The following MEIS2 variants were observed in gnomAD, a reference collection of about 807,000 sequenced individuals.
MEIS2 encodes the protein homeobox protein Meis2.
Under a neutral mutation model 58.6 loss-of-function variants are expected in MEIS2, and 9 were observed. That is an observed-to-expected ratio of 0.15 (90% CI 0.09 to 0.27). The LOEUF is 0.27. Ranked by LOEUF, MEIS2 falls within the 10% of genes least tolerant of loss-of-function variation. MEIS2 has a pLI of 1.00. For synonymous variants in MEIS2, 221 were observed against 228.4 expected (o/e 0.97, Z 0.29); for missense variants, 427 against 635.0 (o/e 0.67, Z 3.52).
chr15:37,063,280 C>T (rs892827681), intron 7 of MEIS2, among the ~76,000 whole-genome samples: 1 of 152,190 alleles, frequency 6.6e-6, no homozygotes, highest in Non-Finnish European at 1.5e-5. Context: ...ATCTTCCTGC[C>T]TCAGCCTCCC....
At chr15:37,087,736 T>C (rs1893059052) in intron 6 of MEIS2, among the ~76,000 whole-genome samples, 1 of 152,104 alleles carries the variant, frequency 6.6e-6, no homozygotes, top group African/African-American at 2.4e-5. Context: ...TACACTGGAA[T>C]TGTAACATTT....
intron 7 of MEIS2, among the ~76,000 whole-genome samples, chr15:37,073,703 T>C (rs1170469207): frequency 6.6e-6 from 1 of 151,992 alleles, no homozygotes; most frequent in African/African-American, 2.4e-5. Flanking sequence ...TCACATTTAG[T>C]ACATGGAAAT....
intron 9 of MEIS2, among the ~76,000 whole-genome samples, chr15:36,914,801 C>G (rs1427082351): frequency 6.6e-6 from 1 of 151,828 alleles, no homozygotes; most frequent in Non-Finnish European, 1.5e-5. Flanking sequence ...ACCGCAGCAA[C>G]ACACTCTTTC....
intron 7 of MEIS2, among the ~76,000 whole-genome samples, chr15:37,078,247 G>C (rs1292147770): frequency 1.3e-5 from 2 of 152,048 alleles, no homozygotes; most frequent in Non-Finnish European, 1.5e-5. Context: ...GCCCAAGGAA[G>C]AGCAGAGCCA....
chr15:37,040,393 T>G (rs556373771), intron 7 of MEIS2, among the ~76,000 whole-genome samples: 2 of 152,278 alleles, frequency 1.3e-5, no homozygotes, highest in East Asian at 3.9e-4. Context: ...CCCCACTTTT[T>G]GCCAACCCCC....
At chr15:37,091,841 C>T (rs1053043214) in intron 6 of MEIS2, among the ~76,000 whole-genome samples, 5 of 152,128 alleles carry the variant, frequency 3.3e-5, no homozygotes, top group South Asian at 4.2e-4. Context: ...CTTTTGGCTC[C>T]GAGAACTGTG....
intron 8 of MEIS2, among the ~76,000 whole-genome samples, chr15:37,019,747 G>C (rs1012340141): frequency 2.6e-5 from 4 of 152,168 alleles, no homozygotes; most frequent in Non-Finnish European, 5.9e-5. Context: ...GGTGCTGCCA[G>C]GTTCATTCCA....
At position 36,931,513 on chromosome 15, in the gene MEIS2, T is replaced by C. The variant is rs1476781907; in HGVS notation, c.977+18811A>G. ...TAATCTTAATGGCATACAACAAAAT[T>C]GAAACAACGTTGATGCTTGCTTTTT... On this transcript the variant is annotated intron_variant, in intron 9 of 11. Coordinates refer to ENST00000561208, the MANE Select transcript of MEIS2 (RefSeq NM_170675.5). 2.0e-5 allele frequency among the ~76,000 whole-genome samples: 3 copies of C among 152,320 alleles called. No individual in the cohort carries two copies. The East Asian group carries it at 5.8e-4, about 29-fold the overall frequency.
At chr15:36,969,582 T>C (rs1286676837) in intron 8 of MEIS2, among the ~76,000 whole-genome samples, 1 of 152,228 alleles carries the variant, frequency 6.6e-6, no homozygotes, top group East Asian at 1.9e-4. Flanking sequence ...AAATAAATAA[T>C]ATTTACAGAT....
At chr15:37,028,525 C>A (rs559422583) in intron 8 of MEIS2, among the ~76,000 whole-genome samples, 2 of 152,280 alleles carry the variant, frequency 1.3e-5, no homozygotes, top group South Asian at 4.1e-4. Context: ...GGATCCAACA[C>A]GACATTAAAT....
In MEIS2 at chr15:37,099,485, ACTC is replaced by A; in HGVS notation, c.-22_-20del. 6.2e-7 allele frequency: 1 copy of A among 1,613,300 alleles called. No homozygotes were observed. The highest frequency in any genetic ancestry group is 8.5e-7 in the Non-Finnish European group (1 of 1,179,908). Reference sequence around the variant, plus strand: ...GCGCCATCAGTCTGCGCTCCAATAAACTCCTGGATGTGTCGTATATTTAATATC... The same window carrying A: ...GCGCCATCAGTCTGCGCTCCAATAAACTGGATGTGTCGTATATTTAATATC... On this transcript the variant is annotated 5_prime_UTR_variant, in exon 1 of 12. Transcript: ENST00000561208.
At chr15:36,894,500 T>A (rs768443571) in intron 11 of MEIS2, 2 of 392,518 alleles carry the variant, frequency 5.1e-6, no homozygotes, top group Non-Finnish European at 9.3e-6. Context: ...TCCCACCTGC[T>A]TAAAACACAC....
rs546115555 is a variant in MEIS2 at position 37,091,923 on chromosome 15, T to C, written c.639+1658A>G. Among the ~76,000 whole-genome samples the C allele has an allele frequency of 7.1e-4, 108 of 152,034 alleles. 4 individuals are homozygous for C. In the South Asian group the frequency reaches 0.021, roughly 30 times the overall value. On this transcript the variant is annotated intron_variant, in intron 6 of 11. Coordinates refer to ENST00000561208, the MANE Select transcript of MEIS2 (RefSeq NM_170675.5). ...CCAATAATGTGAATAAATATAAATA[T>C]AGAAACAGAAAACAATGAAAATAAA... is the stretch of plus-strand genomic sequence containing the variant.
In MEIS2 at chr15:36,891,824, C is replaced by T. The variant is rs1310930247; in HGVS notation, c.*349G>A. 3.4e-6 allele frequency: 1 copy of T among 294,344 alleles called. No individual in the cohort carries two copies. Among genetic ancestry groups the T allele is most frequent in the Non-Finnish European group, 6.3e-6 (1 of 157,998 alleles). 18.2% of individuals were successfully genotyped at this position (294,344 alleles called of 1,614,324 possible). A position where few individuals can be genotyped will look rare whatever the true frequency, so the allele number is the denominator to read the frequency against. On this transcript the variant is annotated 3_prime_UTR_variant, in exon 12 of 12. Transcript: ENST00000561208. ...GGAACAACACACATAGTGTGGAAAA[C>T]AAGGATATATTTTTTTTTCTCTTCT...
intron 8 of MEIS2, among the ~76,000 whole-genome samples, chr15:36,963,692 G>C (rs2059265679): frequency 6.6e-6 from 1 of 152,138 alleles, no homozygotes; most frequent in South Asian, 2.1e-4. Context: ...TATTGTTGTG[G>C]TATTTGTACA....
chr15:36,910,964 G>A (rs1029034142), intron 9 of MEIS2, among the ~76,000 whole-genome samples: 23 of 150,994 alleles, frequency 1.5e-4, no homozygotes, highest in Admixed American at 1.3e-3. Flanking sequence ...AGAATGGCTT[G>A]AGCCCGGGAG....
intron 9 of MEIS2, among the ~76,000 whole-genome samples, chr15:36,932,710 C>T (rs796813020): frequency 6.6e-6 from 1 of 152,112 alleles, no homozygotes; most frequent in African/African-American, 2.4e-5. Flanking sequence ...TCTATATGTA[C>T]ATATTCCTCT....
At chr15:37,001,277 C>A (rs1026884375) in intron 8 of MEIS2, among the ~76,000 whole-genome samples, 1 of 151,988 alleles carries the variant, frequency 6.6e-6, no homozygotes, top group African/African-American at 2.4e-5. Flanking sequence ...TATCCTTGGC[C>A]CTCTTCTCTA....
chr15:36,933,793 T>A (rs1353822860), intron 9 of MEIS2, among the ~76,000 whole-genome samples: 2 of 152,154 alleles, frequency 1.3e-5, no homozygotes, highest in African/African-American at 4.8e-5. Flanking sequence ...TATGCATTGG[T>A]TTACTTCTCT....
Sources: gnomAD v4.1 joint callset for allele counts (sites outside exome capture counted in the v4.1 genomes callset) on GRCh38, gnomAD v4.1.1 for gene constraint, MANE v1.5 for transcripts, NCBI Gene and HGNC (gene_info 2026-07-23, HGNC 2026-07-21) for gene names.